Variants in KALRN observed in about 807,000 individuals in gnomAD.
The protein encoded by KALRN is kalirin RhoGEF kinase.
KALRN carries 70 observed loss-of-function variants against 353.7 expected under a neutral mutation model. That is an observed-to-expected ratio of 0.20 (90% CI 0.16 to 0.24). The LOEUF (loss-of-function observed/expected upper bound fraction) is 0.24, where lower values mean the gene tolerates loss of function less well. Among genes scored for constraint, KALRN ranks in the 10% least tolerant of loss-of-function variants. The pLI is 1.00. For synonymous variants in KALRN, 1,391 were observed against 1,434.8 expected (o/e 0.97, Z 0.69); for missense variants, 2,791 against 3,756.7 (o/e 0.74, Z 6.72).
chr3:124,140,251 TAC>T (rs763969311), intron 1 of KALRN, among the ~76,000 whole-genome samples: 16 of 152,222 alleles, frequency 1.1e-4, no homozygotes, highest in Admixed American at 5.2e-4. Flanking sequence ...AATGAATACA[TAC>T]TCTTGTACTT....
intron 1 of KALRN, among the ~76,000 whole-genome samples, chr3:124,224,582 T>A (rs1433208479): frequency 6.6e-6 from 1 of 152,146 alleles, no homozygotes; most frequent in African/African-American, 2.4e-5. Context: ...TTCAAGAGAT[T>A]AAGCCTCATT....
chr3:124,305,294 T>C (rs1316681301), intron 6 of KALRN, among the ~76,000 whole-genome samples: 1 of 152,114 alleles, frequency 6.6e-6, no homozygotes, highest in African/African-American at 2.4e-5. Context: ...GATTGGTAGA[T>C]CCATTGGCGA....
intron 34 of KALRN, among the ~76,000 whole-genome samples, chr3:124,618,837 CTTG>C (rs749528522): frequency 2.6e-5 from 4 of 152,214 alleles, no homozygotes; most frequent in African/African-American, 9.6e-5. Context: ...GATGACCCTC[CTTG>C]TTGTGCTTGT....
intron 37 of KALRN, among the ~76,000 whole-genome samples, chr3:124,650,151 A>C (rs550270892): frequency 6.6e-6 from 1 of 152,148 alleles, no homozygotes; most frequent in Non-Finnish European, 1.5e-5. Context: ...TTCTTCCAGG[A>C]CACTTGTAAA....
intron 1 of KALRN, among the ~76,000 whole-genome samples, chr3:124,035,136 T>C (rs1233625467): frequency 6.6e-6 from 1 of 152,168 alleles, no homozygotes; most frequent in Non-Finnish European, 1.5e-5. Context: ...CATTCTATTC[T>C]GCTTCCCAGG....
intron 33 of KALRN, among the ~76,000 whole-genome samples, chr3:124,527,503 G>A (rs2067689011): frequency 6.6e-6 from 1 of 152,006 alleles, no homozygotes; most frequent in Non-Finnish European, 1.5e-5. Flanking sequence ...CAGCTACTCA[G>A]GAGGCTGAGG....
chr3:124,241,703 A>T (rs1346582648), intron 3 of KALRN, among the ~76,000 whole-genome samples: 1 of 152,134 alleles, frequency 6.6e-6, no homozygotes, highest in African/African-American at 2.4e-5. Flanking sequence ...GCATGTGCAT[A>T]ATTGTGGGGT....
rs149947589 is a variant in KALRN at position 124,344,874 on chromosome 3, G to A, written c.1648-2269G>A. Among the ~76,000 whole-genome samples, 27 of 152,260 alleles carry A rather than the reference G, an allele frequency of 1.8e-4. No individual in the cohort carries two copies. In the East Asian group the frequency reaches 5.2e-3, roughly 29 times the overall value. On this transcript the variant is annotated intron_variant, in intron 9 of 59. Transcript: ENST00000682506. ...AAAATAAATTGACATTTTAAAGAAA[G>A]CAAAGTAACTTAAAAAGGAAACAAA... is the stretch of plus-strand genomic sequence containing the variant.
intron 10 of KALRN, among the ~76,000 whole-genome samples, chr3:124,350,862 A>G (rs770171936): frequency 2.0e-5 from 3 of 152,200 alleles, no homozygotes; most frequent in Non-Finnish European, 4.4e-5. Context: ...GGAGCACTTT[A>G]CCTGGGGTTT....
intron 33 of KALRN, among the ~76,000 whole-genome samples, chr3:124,557,324 G>A (rs903997792): frequency 6.6e-6 from 1 of 152,158 alleles, no homozygotes. Flanking sequence ...GCTATTATGA[G>A]CATTTTCATG....
At chr3:124,501,679 G>A (rs1191862853) in intron 33 of KALRN, among the ~76,000 whole-genome samples, 1 of 152,106 alleles carries the variant, frequency 6.6e-6, no homozygotes, top group Non-Finnish European at 1.5e-5. Flanking sequence ...TGCACACTGG[G>A]AGGCCACTAG....
intron 21 of KALRN, among the ~76,000 whole-genome samples, chr3:124,453,194 A>G (rs888923565): frequency 6.6e-6 from 1 of 152,170 alleles, no homozygotes; most frequent in African/African-American, 2.4e-5. Context: ...ATCTTAACCA[A>G]TTCTCCCTGT....
intron 59 of KALRN, among the ~76,000 whole-genome samples, chr3:124,718,331 T>C (rs543361224): frequency 6.6e-6 from 1 of 151,482 alleles, no homozygotes; most frequent in Admixed American, 6.6e-5. Flanking sequence ...ACATCTTGGC[T>C]AGGATGGTCT....
At chr3:124,253,055 C>G (rs1264041821) in intron 3 of KALRN, among the ~76,000 whole-genome samples, 1 of 152,194 alleles carries the variant, frequency 6.6e-6, no homozygotes, top group Non-Finnish European at 1.5e-5. Flanking sequence ...TAACACTTTT[C>G]TTTAACACCT....
chr3:124,046,270 G>A (rs765975705), intron 1 of KALRN, among the ~76,000 whole-genome samples: 4 of 152,144 alleles, frequency 2.6e-5, no homozygotes, highest in Non-Finnish European at 5.9e-5. Context: ...GGGGTACCAG[G>A]GTGGGTACCA....
chr3:124,129,326 C>T (rs1416640736), intron 1 of KALRN, among the ~76,000 whole-genome samples: 18 of 152,110 alleles, frequency 1.2e-4, no homozygotes, highest in Admixed American at 6.5e-5. Context: ...GCACTCTCTA[C>T]GTCTGCTTCA....
intron 1 of KALRN, among the ~76,000 whole-genome samples, chr3:124,178,788 C>G (rs780533560): frequency 2.6e-5 from 4 of 152,150 alleles, no homozygotes; most frequent in Non-Finnish European, 5.9e-5. Flanking sequence ...ACACTGTACA[C>G]TTAGGCTACA....
intron 1 of KALRN, among the ~76,000 whole-genome samples, chr3:124,120,351 A>G (rs1420371397): frequency 6.6e-6 from 1 of 152,160 alleles, no homozygotes; most frequent in Non-Finnish European, 1.5e-5. Context: ...TTCTTCTTGC[A>G]ATCCACAGGT....
At chr3:124,099,571 G>A (rs1466298776) in intron 1 of KALRN, among the ~76,000 whole-genome samples, 9 of 152,126 alleles carry the variant, frequency 5.9e-5, no homozygotes, top group Admixed American at 5.9e-4. Flanking sequence ...TTTTGGATAA[G>A]TACCCAGTAG....
Sources: allele counts gnomAD v4.1 joint callset (sites outside exome capture counted in the v4.1 genomes callset), GRCh38; gene constraint gnomAD v4.1.1; transcripts MANE v1.5; gene names NCBI Gene and HGNC (gene_info 2026-07-23, HGNC 2026-07-21).